Variants in FAM76B observed in about 807,000 individuals in gnomAD.
FAM76B encodes the protein family with sequence similarity 76 member B.
In FAM76B, 16 loss-of-function variants were observed where a neutral mutation model predicts 51.8. That is an observed-to-expected ratio of 0.31 (90% CI 0.21 to 0.47). The LOEUF (loss-of-function observed/expected upper bound fraction) is 0.47. Among genes scored for constraint, FAM76B ranks in the 20% least tolerant of loss-of-function variants. The pLI, the probability that FAM76B is intolerant of heterozygous loss-of-function variation, is 1.00. For synonymous variants in FAM76B, 166 were observed against 129.5 expected (o/e 1.28, Z -1.91); for missense variants, 342 against 392.6 (o/e 0.87, Z 1.09).
intron 1 of FAM76B, 54 bp from the exon 2 acceptor site, chr11:95,788,617 T>A: frequency 6.5e-7 from 1 of 1,540,224 alleles, no homozygotes; most frequent in Non-Finnish European, 8.9e-7. Context: ...CAAATCTCAC[T>A]TTTCTGGTAG....
At chr11:95,773,458 CAA>C (rs56008636) in intron 9 of FAM76B, among the ~76,000 whole-genome samples, 17 of 127,810 alleles carry the variant, frequency 1.3e-4, no homozygotes, top group Non-Finnish European at 2.7e-4. Flanking sequence ...TGCAGCCAGC[CAA>C]AAAAAAAAAA....
intron 5 of FAM76B, among the ~76,000 whole-genome samples, chr11:95,780,335 G>A (rs1860201215): frequency 6.6e-6 from 1 of 151,844 alleles, no homozygotes. Context: ...TTCTTTTGGA[G>A]TAACTCAAGT....
At chr11:95,778,007 T>C (rs1860088132) in intron 8 of FAM76B, among the ~76,000 whole-genome samples, 1 of 151,410 alleles carries the variant, frequency 6.6e-6, no homozygotes, top group Admixed American at 6.6e-5. Flanking sequence ...TGCATTTTCA[T>C]TAATCATCAA....
At chr11:95,775,696 T>C (rs1042025886) in intron 9 of FAM76B, among the ~76,000 whole-genome samples, 3 of 151,468 alleles carry the variant, frequency 2.0e-5, no homozygotes, top group African/African-American at 7.3e-5. Context: ...ATTTGAAGTT[T>C]AGGCAAAAGT....
In FAM76B at chr11:95,769,514, T is replaced by C. The variant is rs921061295; in HGVS notation, c.*2047A>G. 3 of 152,186 alleles carry C rather than the reference T, an allele frequency of 2.0e-5. No individual in the cohort carries two copies. Among genetic ancestry groups the C allele is most frequent in the African/African-American group, 7.2e-5 (3 of 41,382 alleles). 9.4% of individuals were successfully genotyped at this position (152,186 alleles called of 1,614,324 possible). A position where few individuals can be genotyped will look rare whatever the true frequency, so the allele number is the denominator to read the frequency against. On this transcript the variant is annotated 3_prime_UTR_variant, in exon 10 of 10. Transcript: ENST00000358780. ...TTTTAATGTTAGCTAATATTAATAT[T>C]CAACTTTTTAATTTTGATGTTAGCT...
intron 5 of FAM76B, among the ~76,000 whole-genome samples, chr11:95,782,700 T>C (rs923908685): frequency 1.3e-5 from 2 of 152,166 alleles, no homozygotes; most frequent in Admixed American, 6.6e-5. Flanking sequence ...TAAAACAAAT[T>C]GACAACTAAA....
intron 5 of FAM76B, 58 bp downstream of exon 5, chr11:95,783,007 A>G (rs1371604481): frequency 1.3e-6 from 2 of 1,594,436 alleles, no homozygotes; most frequent in African/African-American, 1.3e-5. Context: ...GTAAACATCA[A>G]TAAATGGCAT....
intron 3 of FAM76B, among the ~76,000 whole-genome samples, chr11:95,787,110 G>C (rs577765556): frequency 8.4e-4 from 128 of 152,192 alleles, no homozygotes; most frequent in African/African-American, 2.9e-3. Context: ...TTTCACACTG[G>C]ATTCAATACA....
At chr11:95,777,351 G>A (rs2120214081) in intron 8 of FAM76B, among the ~76,000 whole-genome samples, 1 of 151,236 alleles carries the variant, frequency 6.6e-6, no homozygotes, top group Admixed American at 6.6e-5. Context: ...ACTAACAAAA[G>A]CAGAAAACTT....
rs1230688110 is a variant in FAM76B, at chr11:95,769,235, C to G, written c.*2326G>C. The G allele has an allele frequency of 6.6e-6, 1 of 152,266 alleles. No individual in the cohort carries two copies. The highest frequency in any genetic ancestry group is 1.5e-5 in the Non-Finnish European group (1 of 67,850). The allele number at this position is 152,266 out of a possible 1,614,324, so 9.4% of individuals were successfully genotyped here. ...CACAATACACCACACCATAGTATCT[C>G]CTTACAGGTCCACATTTAAAGAATA... is the stretch of plus-strand genomic sequence containing the variant. On this transcript the variant is annotated 3_prime_UTR_variant, in exon 10 of 10. Coordinates refer to ENST00000358780, the MANE Select transcript of FAM76B (RefSeq NM_144664.5).
intron 4 of FAM76B, among the ~76,000 whole-genome samples, chr11:95,784,299 T>C (rs1372127810): frequency 6.6e-6 from 1 of 151,766 alleles, no homozygotes; most frequent in African/African-American, 2.4e-5. Flanking sequence ...TGGTGGAGGG[T>C]AGAAGAGGGA....
chr11:95,789,341 C>G, intron 1 of FAM76B, 51 bp downstream of exon 1: 1 of 1,543,010 alleles, frequency 6.5e-7, no homozygotes. Flanking sequence ...CCGGCCCCCT[C>G]CGGCTACGGC....
chr11:95,780,339 C>G (rs1860201513), intron 5 of FAM76B, among the ~76,000 whole-genome samples: 1 of 151,864 alleles, frequency 6.6e-6, no homozygotes. Flanking sequence ...TTTGGAGTAA[C>G]TCAAGTTGCT....
intron 3 of FAM76B, chr11:95,786,685 T>C (rs1456031772): frequency 1.3e-5 from 2 of 156,654 alleles, no homozygotes; most frequent in African/African-American, 4.8e-5. Flanking sequence ...AAATGTTAAC[T>C]TTTCATCACA....
chr11:95,776,188 T>C (rs779857763), intron 8 of FAM76B, among the ~76,000 whole-genome samples, 165 bp from the exon 9 acceptor site: 21 of 151,552 alleles, frequency 1.4e-4, no homozygotes, highest in Admixed American at 3.3e-4. Context: ...GGTGAAATGA[T>C]GAAGTCTATC....
At position 95,770,415 on chromosome 11, in the gene FAM76B, T is replaced by C. The variant is rs566767100; in HGVS notation, c.*1146A>G. Reference sequence around the variant, plus strand: ...ATTTGCTTTAAATTTACAAATTACATTGTACATAAATATTAACTTAGATAA... The same window carrying C: ...ATTTGCTTTAAATTTACAAATTACACTGTACATAAATATTAACTTAGATAA... On this transcript the variant is annotated 3_prime_UTR_variant, in exon 10 of 10. Coordinates refer to ENST00000358780, the MANE Select transcript of FAM76B (RefSeq NM_144664.5). 1 of 151,932 alleles carries C rather than the reference T, an allele frequency of 6.6e-6. No individual in the cohort carries two copies. The highest frequency in any genetic ancestry group is 1.5e-5 in the Non-Finnish European group (1 of 67,498). 9.4% of individuals were successfully genotyped at this position (151,932 alleles called of 1,614,324 possible).
chr11:95,782,794 TTAAC>T (rs1860345200), intron 5 of FAM76B, among the ~76,000 whole-genome samples: 1 of 152,220 alleles, frequency 6.6e-6, no homozygotes, highest in Admixed American at 6.5e-5. Flanking sequence ...TAAGTGTTAA[TTAAC>T]TGACGTACTT....
chr11:95,775,038 A>C (rs1263430005), intron 9 of FAM76B, among the ~76,000 whole-genome samples: 1 of 151,208 alleles, frequency 6.6e-6, no homozygotes, highest in East Asian at 1.9e-4. Flanking sequence ...GGACAGTATT[A>C]ACTCCTTCCT....
chr11:95,780,880 A>G (rs1860231353), intron 5 of FAM76B, among the ~76,000 whole-genome samples: 1 of 152,038 alleles, frequency 6.6e-6, no homozygotes, highest in Admixed American at 6.6e-5. Context: ...ACATATATAT[A>G]TATACATGTT....
Sources: gnomAD v4.1 joint callset for allele counts (sites outside exome capture counted in the v4.1 genomes callset) on GRCh38, gnomAD v4.1.1 for gene constraint, MANE v1.5 for transcripts, NCBI Gene and HGNC (gene_info 2026-07-23, HGNC 2026-07-21) for gene names.